Variants in SERPINB6 observed in about 807,000 individuals in gnomAD.
SERPINB6 encodes serpin B6.
In SERPINB6, 16 loss-of-function variants were observed where a neutral mutation model predicts 26.1. The observed-to-expected ratio is 0.61, with a 90% CI of 0.42 to 0.93. The LOEUF (loss-of-function observed/expected upper bound fraction) is 0.93, where lower values mean the gene tolerates loss of function less well. Ranked by LOEUF, SERPINB6 falls within the 40% of genes least tolerant of loss-of-function variation. The pLI is 0.00. For missense variants in SERPINB6, 420 were observed against 478.0 expected (o/e 0.88, Z 1.13); for synonymous variants, 174 against 176.6 (o/e 0.99, Z 0.11).
intron 3 of SERPINB6, 127 bp downstream of exon 3, chr6:2,955,397 G>A: frequency 9.1e-7 from 1 of 1,095,898 alleles, no homozygotes; most frequent in Non-Finnish European, 1.4e-6. Flanking sequence ...ATTGGCAGGT[G>A]AAAAGAAATT....
At position 2,949,001 on chromosome 6, in the gene SERPINB6, T is replaced by C; in HGVS notation, c.642A>G (p.Ile214Met). 6.2e-7 allele frequency: 1 copy of C among 1,614,202 alleles called. No individual in the cohort carries two copies. The highest frequency in any genetic ancestry group is 2.2e-5 in the East Asian group (1 of 44,894). ...ATGGAAGCACCAAGATTTGGGTAAATATTTCTCCTATATAGGTCTTCTTAA... is the reference window on the plus strand; with the variant it reads ...ATGGAAGCACCAAGATTTGGGTAAACATTTCTCCTATATAGGTCTTCTTAA... ...STFKKTYIGE[I>M]FTQILVLPYV... Residue 214 changes from isoleucine (I) to methionine (M), a missense_variant, in exon 6 of 7, where the codon ATA (isoleucine) becomes ATG (methionine). Transcript: ENST00000380539.
chr6:2,961,871 C>T, intron 1 of SERPINB6: 2 of 985,160 alleles, frequency 2.0e-6, no homozygotes, highest in South Asian at 9.4e-5. Flanking sequence ...ACGTTTTCCC[C>T]TCAAATGCTG....
rs1450558547 is a variant in SERPINB6 at position 2,967,977 on chromosome 6, C to T, written c.-11+3556G>A. 2 of 150,592 alleles carry T rather than the reference C, an allele frequency of 1.3e-5. No individual in the cohort carries two copies. Among genetic ancestry groups the T allele is most frequent in the African/African-American group, 2.5e-5 (1 of 40,784 alleles). The allele number at this position is 150,592 out of a possible 1,614,324, so 9.3% of individuals were successfully genotyped here. A position where few individuals can be genotyped will look rare whatever the true frequency, so the allele number is the denominator to read the frequency against. On this transcript the variant is annotated intron_variant, in intron 1 of 6. Coordinates refer to ENST00000380539, the MANE Select transcript of SERPINB6 (RefSeq NM_004568.6). The surrounding 1 kb of genome is among the most constrained non-coding windows in gnomAD (Gnocchi z 4.3). ...AGAGGAGAGAGGAATAGAAATCATT[C>T]TCCCATAAAGATACACGCACGCGAA...
rs752725436 is a variant in SERPINB6 at position 2,954,644 on chromosome 6, G to A, written c.378C>T (p.Ala126=). ...AEMEELDFIS[A]VEKSRKHINT... Reference sequence around the variant, plus strand: ...TTATGTGTTTTCTGGACTTCTCTACGGCGCTGATAAAGTCAAGCTCCTCCA... The same window carrying A: ...TTATGTGTTTTCTGGACTTCTCTACAGCGCTGATAAAGTCAAGCTCCTCCA... The change falls in exon 4 of 7, where the codon GCC becomes GCT. Residue 126 remains alanine (A), a synonymous_variant. Transcript: ENST00000380539. The A allele has an allele frequency of 2.6e-5, 42 of 1,613,744 alleles. No individual in the cohort carries two copies. Among genetic ancestry groups the A allele is most frequent in the East Asian group, 6.7e-5 (3 of 44,884 alleles).
intron 4 of SERPINB6, among the ~76,000 whole-genome samples, chr6:2,953,485 C>CTT (rs1770060159): frequency 6.6e-6 from 1 of 152,112 alleles, no homozygotes; most frequent in South Asian, 2.1e-4. Flanking sequence ...AAGACAAGAA[C>CTT]TTAAAGGATT....
chr6:2,962,186 A>C (rs1771193195), intron 1 of SERPINB6: 1 of 985,360 alleles, frequency 1.0e-6, no homozygotes, highest in Non-Finnish European at 1.2e-6. Context: ...CCCACTGGGG[A>C]GGTGCCTGTC....
chr6:2,970,920 G>C (rs562366765), intron 1 of SERPINB6: 4 of 1,229,276 alleles, frequency 3.3e-6, no homozygotes, highest in African/African-American at 3.1e-5. Context: ...AAGTGCTGCG[G>C]ATTGGCCAAG....
In SERPINB6 at chr6:2,948,911, T is replaced by C. The variant is rs879159572; in HGVS notation, c.729+3A>G. 1 of 1,614,208 alleles carries C rather than the reference T, an allele frequency of 6.2e-7. No individual in the cohort carries two copies. Among genetic ancestry groups the C allele is most frequent in the Non-Finnish European group, 8.5e-7 (1 of 1,180,034 alleles). On this transcript the variant is annotated splice_donor_region_variant and intron_variant, in intron 6 of 6. Transcript: ENST00000380539. The surrounding 1 kb of genome is among the most constrained non-coding windows in gnomAD (Gnocchi z 5.0). ...CACGCCTCGCTCACAGCTTAGCTGT[T>C]ACCGTTCTCAAGTCAGTGGTCTCGT...
chr6:2,970,326 T>C (rs1772024956), intron 1 of SERPINB6: 1 of 988,942 alleles, frequency 1.0e-6, no homozygotes, highest in Non-Finnish European at 1.2e-6. Context: ...GTTTACATAG[T>C]CGAGTATGAC....
In SERPINB6 at chr6:2,948,402, C is replaced by T. The variant is rs1034792235; in HGVS notation, c.1027G>A (p.Ala343Thr). 5 of 1,614,072 alleles carry T rather than the reference C, an allele frequency of 3.1e-6. No homozygotes were observed. The highest frequency in any genetic ancestry group is 4.2e-6 in the Non-Finnish European group (5 of 1,180,034). ...GCGCAGAAGCGGGGGACGAATCTGG[C>T]ACACCGCATCATCATGATGGCAGCT... is the stretch of plus-strand genomic sequence containing the variant. ...ATAAIMMMRC[A>T]RFVPRFCADH... The change falls in exon 7 of 7, where the codon GCC becomes ACC. Residue 343 changes from alanine to threonine, a missense_variant. By Grantham distance (58) the Ala-to-Thr change is moderately conservative. Coordinates refer to ENST00000380539, the MANE Select transcript of SERPINB6 (RefSeq NM_004568.6). The surrounding 1 kb of genome is among the most constrained non-coding windows in gnomAD (Gnocchi z 5.0).
intron 5 of SERPINB6, among the ~76,000 whole-genome samples, chr6:2,949,584 CA>C (rs1344999251): frequency 6.6e-6 from 1 of 152,232 alleles, no homozygotes; most frequent in Admixed American, 6.5e-5. Flanking sequence ...GACTCACTGG[CA>C]AATTATATTG....
Position 2,948,802 on chromosome 6 carries a change from G to A in SERPINB6, c.730-103C>T, listed in dbSNP as rs1253673975. On this transcript the variant is annotated intron_variant, in intron 6 of 6. Coordinates refer to ENST00000380539, the MANE Select transcript of SERPINB6 (RefSeq NM_004568.6). The surrounding 1 kb of genome is among the most constrained non-coding windows in gnomAD (Gnocchi z 5.0). ...AGACACCAGTGGCAGCGTGGCTATG[G>A]TCAGCAGCGCTCCAGTGTTAAACGG... The A allele has an allele frequency of 6.4e-7, 1 of 1,565,598 alleles. No homozygotes were observed. Among genetic ancestry groups the A allele is most frequent in the African/African-American group, 1.4e-5 (1 of 73,984 alleles).
intron 1 of SERPINB6, chr6:2,968,986 C>A: frequency 8.2e-7 from 1 of 1,218,332 alleles, no homozygotes; most frequent in Non-Finnish European, 1.0e-6. Context: ...CTCACGTCCC[C>A]ACTGCCTCCC....
Position 2,949,994 on chromosome 6 carries a change from C to A in SERPINB6, c.574-925G>T, listed in dbSNP as rs186514148. 1.6e-4 allele frequency among the ~76,000 whole-genome samples: 24 copies of A among 152,226 alleles called. No individual in the cohort carries two copies. In the East Asian group the frequency reaches 4.4e-3, roughly 28 times the overall value. Reference sequence around the variant, plus strand: ...CTCTTTACGGTCTTTGTTCAAAAACCACCTTGGCAGAGAAGCTGTCCTTGA... The same window carrying A: ...CTCTTTACGGTCTTTGTTCAAAAACAACCTTGGCAGAGAAGCTGTCCTTGA... On this transcript the variant is annotated intron_variant, in intron 5 of 6. Transcript: ENST00000380539.
At chr6:2,969,808 A>C in intron 1 of SERPINB6, 1 of 982,888 alleles carries the variant, frequency 1.0e-6, no homozygotes, top group Non-Finnish European at 1.2e-6. Context: ...TGTGTTTAAT[A>C]TATCTGAGCA....
intron 1 of SERPINB6, among the ~76,000 whole-genome samples, chr6:2,961,588 G>C (rs1446826892): frequency 6.6e-6 from 1 of 152,158 alleles, no homozygotes; most frequent in Non-Finnish European, 1.5e-5. Context: ...GAAAAGAGGA[G>C]ATGCCCCAAA....
Position 2,969,216 on chromosome 6 carries a change from T to C in SERPINB6, c.-11+2317A>G, listed in dbSNP as rs906226963. On this transcript the variant is annotated intron_variant, in intron 1 of 6. Coordinates refer to ENST00000380539, the MANE Select transcript of SERPINB6 (RefSeq NM_004568.6). ...TTTTTCTATCGAGGGCTTTCTGTTATCCTTTCAGCAAACGTGTGAGTAACA... is the reference window on the plus strand; with the variant it reads ...TTTTTCTATCGAGGGCTTTCTGTTACCCTTTCAGCAAACGTGTGAGTAACA... 7 of 986,136 alleles carry C rather than the reference T, an allele frequency of 7.1e-6. No homozygotes were observed. In the African/African-American group the frequency reaches 1.0e-4, roughly 15 times the overall value. The allele number at this position is 986,136 out of a possible 1,614,324, so 61.1% of individuals were successfully genotyped here. A position where few individuals can be genotyped will look rare whatever the true frequency, so the allele number is the denominator to read the frequency against.
intron 1 of SERPINB6, chr6:2,971,271 C>T: frequency 3.8e-6 from 3 of 787,458 alleles, no homozygotes; most frequent in Non-Finnish European, 4.6e-6. Flanking sequence ...CGTTCTCTGC[C>T]GCTGCGAGGC....
intron 5 of SERPINB6, among the ~76,000 whole-genome samples, chr6:2,950,648 G>GA (rs1164304632): frequency 3.3e-5 from 5 of 151,944 alleles, no homozygotes; most frequent in African/African-American, 1.2e-4. Flanking sequence ...CATCTCACCA[G>GA]AAAAAACTGC....
Sources: allele counts gnomAD v4.1 joint callset (sites outside exome capture counted in the v4.1 genomes callset), GRCh38; gene constraint gnomAD v4.1.1; non-coding constraint Gnocchi (gnomAD v3.1); transcripts MANE v1.5; gene names NCBI Gene and HGNC (gene_info 2026-07-23, HGNC 2026-07-21).